The following OSBPL9 variants were observed in gnomAD, a reference collection of about 807,000 sequenced individuals.
The protein encoded by OSBPL9 is oxysterol binding protein like 9, also known as oxysterol-binding protein-related protein 9.
Under a neutral mutation model 106.6 loss-of-function variants are expected in OSBPL9, and 40 were observed. That is an observed-to-expected ratio of 0.38 (90% CI 0.29 to 0.49). The LOEUF (loss-of-function observed/expected upper bound fraction) is 0.49. Ranked by LOEUF, OSBPL9 falls within the 20% of genes least tolerant of loss-of-function variation. The probability of loss-of-function intolerance (pLI) is 0.97; values close to 1 mark genes in which losing one functional copy is unlikely to be tolerated. For missense variants in OSBPL9, 609 were observed against 887.2 expected, an observed-to-expected ratio of 0.69 and a Z score of 3.98; for synonymous variants, 269 against 295.4, an observed-to-expected ratio of 0.91 and a Z score of 0.92.
At position 51,765,523 on chromosome 1, in the gene OSBPL9, A is replaced by G. The variant is rs138772248; in HGVS notation, c.779-299A>G. On this transcript the variant is annotated intron_variant, in intron 11 of 23. Coordinates refer to ENST00000428468, the MANE Select transcript of OSBPL9 (RefSeq NM_024586.6). ...AATCATATCTGTTGTTGGACTTGCAACTCCACAACTCATATAATCAAAAGG... is the reference window on the plus strand; with the variant it reads ...AATCATATCTGTTGTTGGACTTGCAGCTCCACAACTCATATAATCAAAAGG... 225 of 185,624 alleles carry G rather than the reference A, an allele frequency of 1.2e-3. 1 individual carries two copies. The highest frequency in any genetic ancestry group is 4.9e-3 in the African/African-American group (209 of 42,366). 11.5% of individuals were successfully genotyped at this position (185,624 alleles called of 1,614,324 possible). A position where few individuals can be genotyped will look rare whatever the true frequency, so the allele number is the denominator to read the frequency against.
rs1663951006 is a variant in OSBPL9, at chr1:51,729,910, A to G, written c.319-15626A>G. 7.0e-6 allele frequency: 9 copies of G among 1,287,290 alleles called. No individual in the cohort carries two copies. The highest frequency in any genetic ancestry group is 2.2e-4 in the Middle Eastern group (1 of 4,638). 79.7% of individuals were successfully genotyped at this position (1,287,290 alleles called of 1,614,324 possible). On this transcript the variant is annotated intron_variant, in intron 4 of 23. Transcript: ENST00000428468. The surrounding 1 kb of genome is among the most constrained non-coding windows in gnomAD (Gnocchi z 5.1). ...GGATCGGGTCGAGGGGAGAAGAAAA[A>G]GGGGTGCTCGGGAGCAGCCCCCGGC...
At chr1:51,755,316 A>G (rs1422134554) in intron 8 of OSBPL9, among the ~76,000 whole-genome samples, 1 of 152,216 alleles carries the variant, frequency 6.6e-6, no homozygotes, top group Non-Finnish European at 1.5e-5. Flanking sequence ...AGCCATCACC[A>G]TAATCTAATT....
intron 9 of OSBPL9, among the ~76,000 whole-genome samples, chr1:51,757,757 T>C (rs1571583282): frequency 6.6e-6 from 1 of 152,150 alleles, no homozygotes; most frequent in African/African-American, 2.4e-5. Flanking sequence ...TCAAATAAAA[T>C]AGCCCTGCCA....
At chr1:51,601,857 G>T (rs1343906965) in intron 2 of OSBPL9, among the ~76,000 whole-genome samples, 1 of 152,076 alleles carries the variant, frequency 6.6e-6, no homozygotes, top group African/African-American at 2.4e-5. Flanking sequence ...ATTTTGTGCA[G>T]AAGGTATTCT....
intron 12 of OSBPL9, among the ~76,000 whole-genome samples, chr1:51,771,121 G>A (rs140425635): frequency 6.6e-6 from 1 of 152,090 alleles, no homozygotes. Context: ...ACCTAAAACT[G>A]CTCTAAAAAT....
At chr1:51,728,759 C>T (rs1338601459) in intron 4 of OSBPL9, among the ~76,000 whole-genome samples, 1 of 152,094 alleles carries the variant, frequency 6.6e-6, no homozygotes, top group Non-Finnish European at 1.5e-5. Flanking sequence ...CCCTCCTTCC[C>T]CCGCCTCTCC....
intron 8 of OSBPL9, 32 bp downstream of exon 8, chr1:51,750,227 G>C: frequency 6.5e-7 from 1 of 1,530,114 alleles, no homozygotes; most frequent in East Asian, 2.3e-5. Flanking sequence ...TTACCTTTGT[G>C]TATGGAGTTC....
chr1:51,617,017 ACCCGCCCCGCCCCCTGCGGC>A, upstream of OSBPL9: 1 of 1,405,530 alleles, frequency 7.1e-7, no homozygotes, highest in Non-Finnish European at 9.6e-7. Flanking sequence ...CCCGCCCAGG[ACCCGCCCCGCCCCCTGCGGC>A]CCCGCCCCCC....
chr1:51,751,762 T>A (rs554761412), intron 8 of OSBPL9, among the ~76,000 whole-genome samples: 2 of 152,330 alleles, frequency 1.3e-5, no homozygotes, highest in South Asian at 4.1e-4. Flanking sequence ...CATTCAGGAC[T>A]TTAGATAGTT....
upstream of OSBPL9, among the ~76,000 whole-genome samples, chr1:51,572,993 C>T (rs1291890088): frequency 6.6e-6 from 1 of 152,160 alleles, no homozygotes. Flanking sequence ...GAGCGGATCA[C>T]CTGAGATGAG....
chr1:51,718,973 A>G (rs1304343187), intron 4 of OSBPL9, among the ~76,000 whole-genome samples: 1 of 152,152 alleles, frequency 6.6e-6, no homozygotes, highest in African/African-American at 2.4e-5. Context: ...ACCCTTCAGC[A>G]GCCCCCACCG....
chr1:51,586,292 T>C (rs1045731511), intron 1 of OSBPL9, among the ~76,000 whole-genome samples: 2 of 152,096 alleles, frequency 1.3e-5, no homozygotes, highest in African/African-American at 2.4e-5. Flanking sequence ...TTTTGGTACA[T>C]TTTCTTCTAT....
the OSBPL9 span, among the ~76,000 whole-genome samples, chr1:51,526,309 G>A: frequency 6.6e-6 from 1 of 152,214 alleles, no homozygotes; most frequent in African/African-American, 2.4e-5. Context: ...AGAAGAGCGA[G>A]ATGTCTGGTT....
At chr1:51,644,002 C>A (rs891580720) in intron 1 of OSBPL9, among the ~76,000 whole-genome samples, 1 of 147,114 alleles carries the variant, frequency 6.8e-6, no homozygotes, top group Admixed American at 7.0e-5. Flanking sequence ...ATCACTTGAG[C>A]CTAGGAGGCA....
chr1:51,576,566 C>T (rs921339292), upstream of OSBPL9, among the ~76,000 whole-genome samples: 3 of 151,902 alleles, frequency 2.0e-5, no homozygotes, highest in Non-Finnish European at 2.9e-5. Context: ...CTTGCTCTGT[C>T]GCCCAGGTTG....
chr1:51,782,461 GGT>G (rs1676609562), intron 16 of OSBPL9, 96 bp from the exon 17 acceptor site: 1 of 847,122 alleles, frequency 1.2e-6, no homozygotes, highest in East Asian at 2.7e-5. Context: ...TAGGGTGCTT[GGT>G]GTGTGTAGAG....
chr1:51,760,901 C>A, intron 10 of OSBPL9, 121 bp downstream of exon 10: 2 of 1,062,622 alleles, frequency 1.9e-6, no homozygotes, highest in Non-Finnish European at 2.7e-6. Context: ...TAAAAGCACT[C>A]AAAAAATAAT....
At chr1:51,554,411 A>G in the OSBPL9 span, among the ~76,000 whole-genome samples, 3 of 152,256 alleles carry the variant, frequency 2.0e-5, no homozygotes, top group Non-Finnish European at 4.4e-5. Flanking sequence ...TAAGAGACTC[A>G]TAGTTTGTGA....
the OSBPL9 span, chr1:51,567,052 C>T: frequency 2.6e-5 from 4 of 152,188 alleles, no homozygotes; most frequent in Admixed American, 2.6e-4. Context: ...TTTCTCAAGT[C>T]GCTGTGACTT....
Sources: gnomAD v4.1 joint callset for allele counts (sites outside exome capture counted in the v4.1 genomes callset) on GRCh38, gnomAD v4.1.1 for gene constraint, Gnocchi (gnomAD v3.1) non-coding constraint, MANE v1.5 for transcripts, NCBI Gene and HGNC (gene_info 2026-07-23, HGNC 2026-07-21) for gene names.